Variants in PSME3 observed in about 807,000 individuals in gnomAD.
The protein encoded by PSME3 is proteasome activator complex subunit 3.
A neutral mutation model predicts 38.3 loss-of-function variants in PSME3; 7 were observed. The observed-to-expected ratio is 0.18, with a 90% CI of 0.10 to 0.34. The LOEUF is 0.34. PSME3 is among the 10% of genes least tolerant of loss of function. The pLI, the probability that PSME3 is intolerant of heterozygous loss-of-function variation, is 1.00. For synonymous variants in PSME3, 108 were observed against 105.7 expected (o/e 1.02, Z -0.13); for missense variants, 192 against 307.6 (o/e 0.62, Z 2.81).
In PSME3 at chr17:42,843,590, G is replaced by T. The variant is rs1013670966; in HGVS notation, c.*2012G>T. The T allele has an allele frequency of 2.0e-5, 3 of 152,330 alleles. No individual in the cohort carries two copies. Among genetic ancestry groups the T allele is most frequent in the Non-Finnish European group, 4.4e-5 (3 of 68,040 alleles). The allele number at this position is 152,330 out of a possible 1,614,324, so 9.4% of individuals were successfully genotyped here. A position where few individuals can be genotyped will look rare whatever the true frequency, so the allele number is the denominator to read the frequency against. ...TCGTTCCATGTGTAAGGAATGAACT[G>T]GTTCAAGGCGCGTCCTACCCAGTCA... On this transcript the variant is annotated 3_prime_UTR_variant, in exon 11 of 11. Transcript: ENST00000590720.
chr17:42,833,440 A>G lies in PSME3; in HGVS notation c.-192A>G. The stretch of plus-strand genomic sequence containing the variant: ...GGCGAAAGCCGGGAGGGCGAGCGAG[A>G]GAGCAAGCAGGCAGCAGGCTGCCGG... On this transcript the variant is annotated 5_prime_UTR_variant, in exon 1 of 11. Coordinates refer to ENST00000590720, the MANE Select transcript of PSME3 (RefSeq NM_005789.4). The G allele has an allele frequency of 7.8e-6, 5 of 640,042 alleles. No individual in the cohort carries two copies. The highest frequency in any genetic ancestry group is 3.9e-5 in the South Asian group (2 of 51,584). The allele number at this position is 640,042 out of a possible 1,614,324, so 39.6% of individuals were successfully genotyped here.
rs201163656 is a variant in PSME3 at position 42,839,425 on chromosome 17, A to G, written c.684+45A>G. Reference sequence around the variant, plus strand: ...GTCCATAGTTGCTGTGGCTTCTCTTAGTTCTGTTGAGAGTATTGTTAAAAT... The same window carrying G: ...GTCCATAGTTGCTGTGGCTTCTCTTGGTTCTGTTGAGAGTATTGTTAAAAT... On this transcript the variant is annotated intron_variant, in intron 10 of 10. Transcript: ENST00000590720. 1.4e-4 allele frequency: 211 copies of G among 1,460,532 alleles called. 1 individual carries two copies. In the African/African-American group the frequency reaches 2.0e-3, roughly 14 times the overall value. The allele number at this position is 1,460,532 out of a possible 1,614,324, so 90.5% of individuals were successfully genotyped here.
At chr17:42,836,737 T>C (rs1321440133) in intron 4 of PSME3, among the ~76,000 whole-genome samples, 1 of 152,084 alleles carries the variant, frequency 6.6e-6, no homozygotes, top group Non-Finnish European at 1.5e-5. Flanking sequence ...AGTTTTTGTA[T>C]TTTTTGTGGA....
chr17:42,836,326 T>C (rs2055463385), intron 4 of PSME3, among the ~76,000 whole-genome samples: 1 of 152,072 alleles, frequency 6.6e-6, no homozygotes, highest in Admixed American at 6.5e-5. Context: ...TCTTAATCTT[T>C]GTATTCCCAG....
chr17:42,843,499 A>G lies in PSME3; in HGVS notation c.*1921A>G, dbSNP rs1156790375. 1.3e-5 allele frequency: 2 copies of G among 152,284 alleles called. No individual in the cohort carries two copies. Among genetic ancestry groups the G allele is most frequent in the Non-Finnish European group, 2.9e-5 (2 of 68,032 alleles). 9.4% of individuals were successfully genotyped at this position (152,284 alleles called of 1,614,324 possible). On this transcript the variant is annotated 3_prime_UTR_variant, in exon 11 of 11. Coordinates refer to ENST00000590720, the MANE Select transcript of PSME3 (RefSeq NM_005789.4). ...CAGACCTAAGCTGCCTTCTCTCCCT[A>G]CTTTCAGAAGATCCTAGTTCCTTCC...
At position 42,842,498 on chromosome 17, in the gene PSME3, G is replaced by C. The variant is rs1381988467; in HGVS notation, c.*920G>C. On this transcript the variant is annotated 3_prime_UTR_variant, in exon 11 of 11. Coordinates refer to ENST00000590720, the MANE Select transcript of PSME3 (RefSeq NM_005789.4). ...CTTTTTGGCATTATTGCAAGAGCTT[G>C]ACTCCTGGTTGCCTTTTCCCAGCCA... is the stretch of plus-strand genomic sequence containing the variant. The C allele has an allele frequency of 6.5e-6, 1 of 152,880 alleles. No individual in the cohort carries two copies. Among genetic ancestry groups the C allele is most frequent in the Non-Finnish European group, 1.5e-5 (1 of 68,048 alleles). 9.5% of individuals were successfully genotyped at this position (152,880 alleles called of 1,614,324 possible).
intron 1 of PSME3, 88 bp downstream of exon 1, chr17:42,833,761 C>T (rs1251666406): frequency 1.2e-6 from 2 of 1,611,958 alleles, no homozygotes; most frequent in South Asian, 2.2e-5. Context: ...GTCTTTGTCT[C>T]CCTGGGGATA....
intron 10 of PSME3, among the ~76,000 whole-genome samples, chr17:42,840,822 G>A (rs2055522561): frequency 6.6e-6 from 1 of 152,084 alleles, no homozygotes; most frequent in Non-Finnish European, 1.5e-5. Context: ...CTGAATGCAG[G>A]CTCAAGTGAG....
At position 42,833,408 on chromosome 17, in the gene PSME3, C is replaced by T. The variant is rs144157969; in HGVS notation, c.-224C>T. The T allele has an allele frequency of 2.2e-4, 131 of 601,272 alleles. No homozygotes were observed. The highest frequency in any genetic ancestry group is 4.4e-4 in the Middle Eastern group (1 of 2,266). The allele number at this position is 601,272 out of a possible 1,614,324, so 37.2% of individuals were successfully genotyped here. On this transcript the variant is annotated 5_prime_UTR_variant, in exon 1 of 11. Coordinates refer to ENST00000590720, the MANE Select transcript of PSME3 (RefSeq NM_005789.4). ...CGATTGGCTGTGACGCAGTTTCCGG[C>T]GTGAGCGGCGAAAGCCGGGAGGGCG...
intron 10 of PSME3, among the ~76,000 whole-genome samples, chr17:42,839,983 C>T (rs1480821013): frequency 2.8e-5 from 4 of 145,078 alleles, no homozygotes; most frequent in African/African-American, 7.7e-5. Flanking sequence ...GCAACAAGAG[C>T]GAAACTCCAT....
chr17:42,840,505 G>A (rs550142336), intron 10 of PSME3, among the ~76,000 whole-genome samples: 3 of 151,702 alleles, frequency 2.0e-5, no homozygotes, highest in African/African-American at 7.3e-5. Flanking sequence ...CTAATCGGGA[G>A]GCTGAGGCAG....
chr17:42,837,787 G>A (rs1271412691), intron 5 of PSME3, 90 bp downstream of exon 5: 4 of 1,427,774 alleles, frequency 2.8e-6, no homozygotes, highest in Non-Finnish European at 3.0e-6. Context: ...TCCTGACCAG[G>A]AGGCAAGATC....
At chr17:42,835,077 G>T (rs2144242261) in intron 4 of PSME3, among the ~76,000 whole-genome samples, 1 of 151,522 alleles carries the variant, frequency 6.6e-6, no homozygotes, top group Non-Finnish European at 1.5e-5. Flanking sequence ...CACTTTTTTT[G>T]CCCAAGCTGG....
At chr17:42,834,150 G>T (rs1428535294) in intron 1 of PSME3, 194 bp from the exon 2 acceptor site, 3 of 1,491,888 alleles carry the variant, frequency 2.0e-6, no homozygotes, top group Non-Finnish European at 2.7e-6. Flanking sequence ...AGACAGGCAG[G>T]TGCTGTCCTC....
chr17:42,839,509 CA>C, intron 10 of PSME3, 129 bp downstream of exon 10: 1 of 719,982 alleles, frequency 1.4e-6, no homozygotes, highest in Admixed American at 2.4e-5. Flanking sequence ...TTCTATTCAT[CA>C]CCTGAGTGTT....
chr17:42,840,279 G>A (rs1249133547), intron 10 of PSME3, among the ~76,000 whole-genome samples: 5 of 151,160 alleles, frequency 3.3e-5, no homozygotes, highest in East Asian at 2.0e-4. Flanking sequence ...GCGAAACTCC[G>A]CCTCAAATAA....
chr17:42,834,468 G>A (rs1415068185), intron 2 of PSME3, 47 bp from the exon 3 acceptor site: 17 of 1,576,768 alleles, frequency 1.1e-5, no homozygotes, highest in Non-Finnish European at 1.5e-5. Flanking sequence ...GAGAGAGAGA[G>A]ACCTTCCCAC....
At chr17:42,840,184 G>T (rs902328651) in intron 10 of PSME3, among the ~76,000 whole-genome samples, 38 of 151,964 alleles carry the variant, frequency 2.5e-4, no homozygotes, top group African/African-American at 8.7e-4. Flanking sequence ...TGAGGAGGCT[G>T]AGGCGGGAGA....
Position 42,833,655 on chromosome 17 carries a change from T to A in PSME3, c.24T>A (p.Asp8Glu). MASLLKV[D>E]QEVKLKVDSF... is the part of the protein sequence containing the mutation. The stretch of plus-strand genomic sequence containing the variant: ...CCATGGCCTCGTTGCTGAAGGTGGA[T>A]CAGGAAGTGAAGCTCAAGGTAGCGG... Residue 8 changes from aspartate to glutamate, a missense_variant, in exon 1 of 11, where the codon GAT becomes GAA. Around this residue, in one of 2 missense-constraint regions of PSME3, gnomAD observed 110 missense variants for 139.3 expected, o/e 0.79. Transcript: ENST00000590720. 1 of 1,614,114 alleles carries A rather than the reference T, an allele frequency of 6.2e-7. No homozygotes were observed. Among genetic ancestry groups the A allele is most frequent in the Non-Finnish European group, 8.5e-7 (1 of 1,180,024 alleles).
Sources: gnomAD v4.1 joint callset for allele counts (sites outside exome capture counted in the v4.1 genomes callset) on GRCh38, gnomAD v4.1.1 for gene constraint, gnomAD v4.1.1 regional missense constraint, MANE v1.5 for transcripts, NCBI Gene and HGNC (gene_info 2026-07-23, HGNC 2026-07-21) for gene names.